The following NKAIN3 variants were observed in gnomAD, a reference collection of about 807,000 sequenced individuals.
The protein encoded by NKAIN3 is sodium/potassium transporting ATPase interacting 3.
A neutral mutation model predicts 30.2 loss-of-function variants in NKAIN3; 25 were observed. The ratio of observed to expected loss-of-function variants is 0.83; its 90% CI spans 0.60 to 1.16. The LOEUF is 1.16. NKAIN3 is among the 50% of genes most tolerant of loss of function. The pLI, the probability that NKAIN3 is intolerant of heterozygous loss-of-function variation, is 0.00. For synonymous variants in NKAIN3, 91 were observed against 89.6 expected, an observed-to-expected ratio of 1.02 and a Z score of -0.09; for missense variants, 225 against 254.1, an observed-to-expected ratio of 0.89 and a Z score of 0.78.
At chr8:62,920,066 G>A (rs1490835015) in intron 5 of NKAIN3, among the ~76,000 whole-genome samples, 1 of 152,116 alleles carries the variant, frequency 6.6e-6, no homozygotes, top group African/African-American at 2.4e-5. Flanking sequence ...TATACAGAAG[G>A]TTAGCAGCAT....
At chr8:62,734,550 C>T (rs996737573) in intron 3 of NKAIN3, among the ~76,000 whole-genome samples, 5 of 152,124 alleles carry the variant, frequency 3.3e-5, no homozygotes, top group Middle Eastern at 3.2e-3. Context: ...TGCTTGAACC[C>T]ATTCAGAATT....
intron 3 of NKAIN3, among the ~76,000 whole-genome samples, chr8:62,709,139 G>T (rs1279862329): frequency 6.6e-6 from 1 of 152,030 alleles, no homozygotes; most frequent in Non-Finnish European, 1.5e-5. Flanking sequence ...TTTTATTAAG[G>T]ATTTTAGCAT....
chr8:62,709,960 T>C (rs1259209790), intron 3 of NKAIN3, among the ~76,000 whole-genome samples: 1 of 152,122 alleles, frequency 6.6e-6, no homozygotes, highest in Admixed American at 6.5e-5. Context: ...TACATTTCTA[T>C]CTTGATTTTA....
intron 4 of NKAIN3, among the ~76,000 whole-genome samples, chr8:62,834,763 C>A (rs1242463339): frequency 6.6e-6 from 1 of 151,864 alleles, no homozygotes; most frequent in Non-Finnish European, 1.5e-5. Flanking sequence ...CTGCCCAAAG[C>A]AATCAATAGA....
At chr8:62,695,476 A>C (rs2130453792) in intron 3 of NKAIN3, among the ~76,000 whole-genome samples, 1 of 152,314 alleles carries the variant, frequency 6.6e-6, no homozygotes, top group Non-Finnish European at 1.5e-5. Context: ...TGAGGCAGAA[A>C]ATTGTCAATG....
chr8:62,826,708 T>C (rs868009796), intron 4 of NKAIN3, among the ~76,000 whole-genome samples: 17 of 152,302 alleles, frequency 1.1e-4, no homozygotes, highest in African/African-American at 3.6e-4. Flanking sequence ...GAGAAGACAA[T>C]TACATGTGAA....
At chr8:62,626,267 A>G (rs554061318) in intron 3 of NKAIN3, among the ~76,000 whole-genome samples, 3 of 152,228 alleles carry the variant, frequency 2.0e-5, no homozygotes, top group South Asian at 2.1e-4. Context: ...GAAAAGCCCC[A>G]TTCAGATGGA....
intron 5 of NKAIN3, among the ~76,000 whole-genome samples, chr8:62,941,079 A>G (rs2130882863): frequency 6.6e-6 from 1 of 152,196 alleles, no homozygotes; most frequent in South Asian, 2.1e-4. Context: ...AGATATTACA[A>G]AGAATAACAC....
intron 4 of NKAIN3, among the ~76,000 whole-genome samples, chr8:62,827,392 G>T (rs1031002905): frequency 6.6e-6 from 1 of 152,164 alleles, no homozygotes; most frequent in African/African-American, 2.4e-5. Context: ...AGGTTAAACC[G>T]AGCAGTGTTA....
chr8:62,341,721 A>C (rs996631853), intron 1 of NKAIN3, among the ~76,000 whole-genome samples: 5 of 151,988 alleles, frequency 3.3e-5, no homozygotes, highest in Non-Finnish European at 7.4e-5. Flanking sequence ...GCCAGAAAAA[A>C]AAACAAAACA....
At chr8:62,636,429 T>C (rs1230759565) in intron 3 of NKAIN3, among the ~76,000 whole-genome samples, 1 of 152,206 alleles carries the variant, frequency 6.6e-6, no homozygotes, top group Non-Finnish European at 1.5e-5. Context: ...ATCAGAATTT[T>C]CCTAGTATAA....
At chr8:62,735,423 T>C (rs972563540) in intron 3 of NKAIN3, among the ~76,000 whole-genome samples, 1 of 151,268 alleles carries the variant, frequency 6.6e-6, no homozygotes, top group Non-Finnish European at 1.5e-5. Flanking sequence ...TTCTACTTGT[T>C]CAATTCTATT....
intron 1 of NKAIN3, among the ~76,000 whole-genome samples, chr8:62,504,638 A>C (rs919418169): frequency 6.6e-6 from 1 of 152,178 alleles, no homozygotes; most frequent in African/African-American, 2.4e-5. Context: ...ATGGAAAATC[A>C]AACCATCCAT....
At chr8:62,397,022 G>A (rs1817786831) in intron 1 of NKAIN3, among the ~76,000 whole-genome samples, 3 of 152,078 alleles carry the variant, frequency 2.0e-5, no homozygotes, top group Admixed American at 2.0e-4. Flanking sequence ...TAGGATATTG[G>A]GATATGTGGG....
intron 1 of NKAIN3, among the ~76,000 whole-genome samples, chr8:62,471,682 C>T (rs1220665185): frequency 1.3e-5 from 2 of 152,008 alleles, no homozygotes; most frequent in Non-Finnish European, 2.9e-5. Flanking sequence ...GGGCTGGGCG[C>T]GGTGACTCAC....
chr8:62,445,128 T>C (rs1805441358), intron 1 of NKAIN3, among the ~76,000 whole-genome samples: 1 of 152,032 alleles, frequency 6.6e-6, no homozygotes, highest in South Asian at 2.1e-4. Flanking sequence ...GTATTTTTAA[T>C]AGAGACGGGG....
At chr8:62,351,439 G>T (rs1302970449) in intron 1 of NKAIN3, among the ~76,000 whole-genome samples, 1 of 149,520 alleles carries the variant, frequency 6.7e-6, no homozygotes, top group Non-Finnish European at 1.5e-5. Context: ...ATCTTCATTT[G>T]GTTGAATTCA....
At chr8:62,527,630 G>A (rs530240515) in intron 1 of NKAIN3, among the ~76,000 whole-genome samples, 1 of 152,172 alleles carries the variant, frequency 6.6e-6, no homozygotes, top group East Asian at 1.9e-4. Context: ...TATAAAGAAT[G>A]TTTGCCCTTT....
intron 1 of NKAIN3, among the ~76,000 whole-genome samples, chr8:62,316,858 C>T (rs909531228): frequency 1.3e-5 from 2 of 152,216 alleles, no homozygotes; most frequent in African/African-American, 4.8e-5. Context: ...GCCACACTAA[C>T]TTCCACAATG....
Sources: gnomAD v4.1 joint callset for allele counts (sites outside exome capture counted in the v4.1 genomes callset) on GRCh38, gnomAD v4.1.1 for gene constraint, MANE v1.5 for transcripts, NCBI Gene and HGNC (gene_info 2026-07-23, HGNC 2026-07-21) for gene names.